Variants in GAS7 observed in about 807,000 individuals in gnomAD.
GAS7 encodes the protein growth arrest specific 7.
A neutral mutation model predicts 71.1 loss-of-function variants in GAS7; 28 were observed. That is an observed-to-expected ratio of 0.39 (90% confidence interval 0.29 to 0.54). The LOEUF (loss-of-function observed/expected upper bound fraction) is 0.54, where lower values mean the gene tolerates loss of function less well. GAS7 is among the 20% of genes least tolerant of loss of function. GAS7 has a pLI of 0.62. For missense variants in GAS7, 436 were observed against 627.8 expected, an observed-to-expected ratio of 0.69 and a Z score of 3.27; for synonymous variants, 258 against 245.8, an observed-to-expected ratio of 1.05 and a Z score of -0.46.
chr17:10,148,619 A>T (rs540084410), intron 1 of GAS7, among the ~76,000 whole-genome samples: 23 of 147,704 alleles, frequency 1.6e-4, no homozygotes, highest in African/African-American at 5.9e-4. Flanking sequence ...CTCAAGAAAA[A>T]AAAAAAAAAA....
chr17:10,165,023 G>A (rs1165180955), intron 1 of GAS7, among the ~76,000 whole-genome samples: 9 of 151,446 alleles, frequency 5.9e-5, no homozygotes, highest in Admixed American at 1.3e-4. Context: ...GGTGGCGAGC[G>A]CCTGTAGTCC....
At chr17:10,063,869 G>T (rs8073915) in intron 1 of GAS7, among the ~76,000 whole-genome samples, 1 of 152,142 alleles carries the variant, frequency 6.6e-6, no homozygotes. Context: ...GGTGAGGGGG[G>T]CAGAGGAAGC....
At chr17:9,949,260 C>T (rs956806275) in intron 5 of GAS7, among the ~76,000 whole-genome samples, 5 of 152,126 alleles carry the variant, frequency 3.3e-5, no homozygotes, top group South Asian at 2.1e-4. Flanking sequence ...TGCCAAGTGT[C>T]GTCAAGCCCT....
rs7224207 is a variant in GAS7, at chr17:10,037,490, C to A, written c.184-17593G>T. On this transcript the variant is annotated intron_variant, in intron 1 of 13. Transcript: ENST00000432992. Reference sequence around the variant, plus strand: ...CTAGAGAAACCAAGATCCTGAGGACCGAGTGGTTCCCTATTAAGCAAATGG... The same window carrying A: ...CTAGAGAAACCAAGATCCTGAGGACAGAGTGGTTCCCTATTAAGCAAATGG... 4.0e-5 allele frequency among the ~76,000 whole-genome samples: 6 copies of A among 150,316 alleles called. 1 individual carries two copies. In the South Asian group the frequency reaches 1.3e-3, roughly 33 times the overall value.
At position 9,917,065 on chromosome 17, in the gene GAS7, C is replaced by G. The variant is rs1010795837; in HGVS notation, c.*163G>C. The G allele has an allele frequency of 1.6e-6, 1 of 609,096 alleles. No individual in the cohort carries two copies. The highest frequency in any genetic ancestry group is 1.8e-5 in the African/African-American group (1 of 54,310). The allele number at this position is 609,096 out of a possible 1,614,324, so 37.7% of individuals were successfully genotyped here. A position where few individuals can be genotyped will look rare whatever the true frequency, so the allele number is the denominator to read the frequency against. On this transcript the variant is annotated 3_prime_UTR_variant, in exon 14 of 14. Coordinates refer to ENST00000432992, the MANE Select transcript of GAS7 (RefSeq NM_201433.2). ...TTCTGGGCCTGGGAATATGGGGGAGCCCCCAGCTAGGCTGTCCGGGTCACC... is the reference window on the plus strand; with the variant it reads ...TTCTGGGCCTGGGAATATGGGGGAGGCCCCAGCTAGGCTGTCCGGGTCACC...
chr17:9,924,414 C>T (rs2067923136), intron 11 of GAS7, among the ~76,000 whole-genome samples: 1 of 152,118 alleles, frequency 6.6e-6, no homozygotes, highest in Admixed American at 6.5e-5. Context: ...CTCAACTGAT[C>T]CTCCTGCCTC....
intron 1 of GAS7, among the ~76,000 whole-genome samples, chr17:10,135,361 A>G (rs2142091258): frequency 1.3e-5 from 2 of 152,254 alleles, no homozygotes; most frequent in East Asian, 3.9e-4. Flanking sequence ...TGGGTGTCCA[A>G]GGCCCACCTC....
chr17:9,969,576 T>A lies in GAS7; in HGVS notation c.471+101A>T. On this transcript the variant is annotated intron_variant, in intron 4 of 13. Coordinates refer to ENST00000432992, the MANE Select transcript of GAS7 (RefSeq NM_201433.2). The surrounding 1 kb of genome is among the most constrained non-coding windows in gnomAD (Gnocchi z 5.5). ...ACCACTTTCTACCTGGGGGCAGAAC[T>A]GGGCTGCAGCCACCTGGACTCCCAT... 1 of 732,834 alleles carries A rather than the reference T, an allele frequency of 1.4e-6. No homozygotes were observed. The highest frequency in any genetic ancestry group is 2.0e-5 in the Admixed American group (1 of 50,566). 45.4% of individuals were successfully genotyped at this position (732,834 alleles called of 1,614,324 possible). A position where few individuals can be genotyped will look rare whatever the true frequency, so the allele number is the denominator to read the frequency against.
chr17:10,009,736 G>C (rs1028432869), intron 2 of GAS7, among the ~76,000 whole-genome samples: 1 of 151,018 alleles, frequency 6.6e-6, no homozygotes, highest in Non-Finnish European at 1.5e-5. Context: ...GCCTGGTGTG[G>C]TGACATATGC....
chr17:9,926,655 C>T lies in GAS7; in HGVS notation c.1000G>A (p.Ala334Thr), dbSNP rs1291027219. 5 of 1,613,636 alleles carry T rather than the reference C, an allele frequency of 3.1e-6. No individual in the cohort carries two copies. The highest frequency in any genetic ancestry group is 1.3e-5 in the African/African-American group (1 of 74,960). ...DLRKQLASRY[A>T]SVEKARKALT... ...GGGCCTCTCACCTTCTCCACCGAGG[C>T]ATAGCGGCTGGCGAGCTGCTTGCGA... Residue 334 changes from alanine (A) to threonine (T), a missense_variant, in exon 10 of 14, where the codon GCC becomes ACC. Physicochemically the swap from Ala to Thr is moderately conservative, Grantham distance 58. Coordinates refer to ENST00000432992, the MANE Select transcript of GAS7 (RefSeq NM_201433.2). This position sits in a 1 kb window ranked among gnomAD's most constrained non-coding sequence, Gnocchi z 5.0.
At position 9,919,525 on chromosome 17, in the gene GAS7, G is replaced by T; in HGVS notation, c.1218+101C>A. On this transcript the variant is annotated intron_variant, in intron 12 of 13. Coordinates refer to ENST00000432992, the MANE Select transcript of GAS7 (RefSeq NM_201433.2). This position sits in a 1 kb window ranked among gnomAD's most constrained non-coding sequence, Gnocchi z 5.0. ...GAAGTAGATTTGATGACCATCTCCA[G>T]GGTCACTCCACCCCATCATCCCCGC... 1 of 846,052 alleles carries T rather than the reference G, an allele frequency of 1.2e-6. No individual in the cohort carries two copies. Among genetic ancestry groups the T allele is most frequent in the Non-Finnish European group, 2.1e-6 (1 of 481,924 alleles). 52.4% of individuals were successfully genotyped at this position (846,052 alleles called of 1,614,324 possible).
intron 1 of GAS7, among the ~76,000 whole-genome samples, chr17:10,113,780 G>T (rs2073835637): frequency 6.6e-6 from 1 of 152,174 alleles, no homozygotes; most frequent in Non-Finnish European, 1.5e-5. Context: ...TGAGGACAGG[G>T]ATGGGAAGGA....
chr17:10,120,827 G>T (rs913277953), intron 1 of GAS7, among the ~76,000 whole-genome samples: 1 of 152,224 alleles, frequency 6.6e-6, no homozygotes, highest in Admixed American at 6.5e-5. Context: ...AGAGGAAAGG[G>T]CAGGCTGCTA....
chr17:9,990,223 C>T lies in GAS7; in HGVS notation c.305-8339G>A, dbSNP rs566283356. Among the ~76,000 whole-genome samples, 15 of 152,172 alleles carry T rather than the reference C, an allele frequency of 9.9e-5. No homozygotes were observed. The East Asian group carries it at 1.5e-3, about 16-fold the overall frequency. ...GGCAGAGCTTGCAGTGAGCCGAGAT[C>T]GCACCGCTGCACTTCAGCCTGGGCG... On this transcript the variant is annotated intron_variant, in intron 2 of 13. Transcript: ENST00000432992.
intron 1 of GAS7, among the ~76,000 whole-genome samples, chr17:10,130,329 T>TAAAA (rs35108339): frequency 1.6e-5 from 2 of 127,444 alleles, no homozygotes; most frequent in Non-Finnish European, 3.3e-5. Flanking sequence ...AGCTATGATT[T>TAAAA]AAAAAAAAAA....
At position 9,913,891 on chromosome 17, in the gene GAS7, G is replaced by C. The variant is rs377302119; in HGVS notation, c.*3337C>G. The C allele has an allele frequency of 4.3e-6, 1 of 231,974 alleles. No individual in the cohort carries two copies. Among genetic ancestry groups the C allele is most frequent in the African/African-American group, 2.2e-5 (1 of 45,318 alleles). 14.4% of individuals were successfully genotyped at this position (231,974 alleles called of 1,614,324 possible). ...AACAGATCTTGTGCATCAGTCTCCT[G>C]GGTGGAGGCAGGTAGAAGGGGCTGA... On this transcript the variant is annotated 3_prime_UTR_variant, in exon 14 of 14. Coordinates refer to ENST00000432992, the MANE Select transcript of GAS7 (RefSeq NM_201433.2).
At position 9,942,650 on chromosome 17, in the gene GAS7, C is replaced by T. The variant is rs115009608; in HGVS notation, c.731+471G>A. ...GAATTGAACTGTAACATCCCCCCCA[C>T]TGGTTACGGTAAAGGGCTGTGCTTC... On this transcript the variant is annotated intron_variant, in intron 7 of 13. Coordinates refer to ENST00000432992, the MANE Select transcript of GAS7 (RefSeq NM_201433.2). Among the ~76,000 whole-genome samples, 1,456 of 152,242 alleles carry T rather than the reference C, an allele frequency of 9.6e-3. 26 individuals are homozygous for T. Among genetic ancestry groups the T allele is most frequent in the African/African-American group, 0.033 (1,368 of 41,524 alleles).
At chr17:10,106,664 C>G (rs2073759240) in intron 1 of GAS7, among the ~76,000 whole-genome samples, 1 of 152,136 alleles carries the variant, frequency 6.6e-6, no homozygotes, top group Non-Finnish European at 1.5e-5. Context: ...ATCACTTAAC[C>G]AATTCCAGCA....
chr17:10,038,695 A>AT (rs71365709), intron 1 of GAS7, among the ~76,000 whole-genome samples: 7,540 of 121,178 alleles, frequency 0.062, 329 homozygotes, highest in Non-Finnish European at 0.095. Context: ...GAAGGAAGGA[A>AT]TTTTTTTTTT....
Sources: gnomAD v4.1 joint callset for allele counts (sites outside exome capture counted in the v4.1 genomes callset) on GRCh38, gnomAD v4.1.1 for gene constraint, Gnocchi (gnomAD v3.1) non-coding constraint, MANE v1.5 for transcripts, NCBI Gene and HGNC (gene_info 2026-07-23, HGNC 2026-07-21) for gene names.